Variants in RTTN observed in about 807,000 individuals in gnomAD.
RTTN encodes rotatin.
A neutral mutation model predicts 269.2 loss-of-function variants in RTTN; 182 were observed. The observed-to-expected ratio is 0.68, with a 90% confidence interval of 0.60 to 0.76. The LOEUF (loss-of-function observed/expected upper bound fraction) is 0.76. Among genes scored for constraint, RTTN ranks in the 30% least tolerant of loss-of-function variants. The pLI is 0.00. For missense variants in RTTN, 2,545 were observed against 2,608.6 expected (o/e 0.98, Z 0.53); for synonymous variants, 1,006 against 963.5 (o/e 1.04, Z -0.82).
rs929044986 is a variant in RTTN, at chr18:70,115,862, T to C, written c.3529-1263A>G. ...AGAAATGAAAATATGTAAAGAAACC[T>C]CTAAATTGCTTATAGTATATAGAGA... On this transcript the variant is annotated intron_variant, in intron 26 of 48. Transcript: ENST00000640769. Among the ~76,000 whole-genome samples, 3 of 151,926 alleles carry C rather than the reference T, an allele frequency of 2.0e-5. No homozygotes were observed. The South Asian group carries it at 6.2e-4, about 32-fold the overall frequency.
chr18:70,086,826 A>G (rs1216119318), intron 31 of RTTN, 142 bp from the exon 32 acceptor site: 5 of 746,532 alleles, frequency 6.7e-6, no homozygotes, highest in Non-Finnish European at 1.1e-5. Flanking sequence ...ACATGCTGAG[A>G]GGTCATTATG....
rs1161852788 is a variant in RTTN, at chr18:70,190,550, G to A, written c.1177C>T (p.Leu393Phe). The change falls in exon 9 of 49, where the codon CTC (leucine) becomes TTC (phenylalanine). Residue 393 changes from leucine (L) to phenylalanine (F), a missense_variant. Leu to Phe is a conservative substitution (Grantham distance 22). Transcript: ENST00000640769. The part of the protein sequence containing the change: ...CVSILESAVP[L>F]LRTGSRQVII... ...TAAAACAACTAACCTGTTCTTAAGA[G>A]AGGAACAGCTGATTCCAGAATGGAG... 2.5e-6 allele frequency: 4 copies of A among 1,610,720 alleles called. No homozygotes were observed. The highest frequency in any genetic ancestry group is 3.4e-6 in the Non-Finnish European group (4 of 1,177,228).
At chr18:70,193,154 G>T in intron 8 of RTTN, 134 bp downstream of exon 8, 1 of 794,970 alleles carries the variant, frequency 1.3e-6, no homozygotes. Flanking sequence ...TTAACACAAG[G>T]CCTATACCTG....
chr18:70,017,082 A>C (rs1204188662), intron 46 of RTTN, among the ~76,000 whole-genome samples: 1 of 152,052 alleles, frequency 6.6e-6, no homozygotes, highest in Non-Finnish European at 1.5e-5. Flanking sequence ...GAAGATGCAG[A>C]AGAGGGGAGC....
At chr18:70,013,414 T>C (rs186673447) in intron 46 of RTTN, among the ~76,000 whole-genome samples, 2,933 of 143,142 alleles carry the variant, frequency 0.02, 93 homozygotes, top group African/African-American at 0.071. Flanking sequence ...TGTGTGTGTC[T>C]GTGTGTGTGT....
intron 6 of RTTN, among the ~76,000 whole-genome samples, chr18:70,197,186 T>G (rs1304700167): frequency 1.3e-5 from 2 of 151,950 alleles, no homozygotes; most frequent in African/African-American, 4.8e-5. Context: ...CCTGGATCCC[T>G]CTCTCTCTAC....
intron 23 of RTTN, among the ~76,000 whole-genome samples, chr18:70,132,905 A>G (rs971805874): frequency 6.6e-6 from 1 of 152,112 alleles, no homozygotes; most frequent in African/African-American, 2.4e-5. Context: ...GACAAACATG[A>G]TATTGAGGTA....
intron 38 of RTTN, among the ~76,000 whole-genome samples, chr18:70,052,137 C>T (rs1251093593): frequency 6.6e-6 from 1 of 152,192 alleles, no homozygotes; most frequent in Non-Finnish European, 1.5e-5. Context: ...CTTCTCTCCA[C>T]TCAGGTAAAT....
At chr18:70,187,018 GTTT>G in intron 10 of RTTN, among the ~76,000 whole-genome samples, 1 of 152,210 alleles carries the variant, frequency 6.6e-6, no homozygotes, top group African/African-American at 2.4e-5. Flanking sequence ...CTAAATAAAA[GTTT>G]TTTAGAAAAA....
chr18:70,073,143 C>T (rs1291953895), intron 34 of RTTN, among the ~76,000 whole-genome samples: 2 of 152,038 alleles, frequency 1.3e-5, no homozygotes, highest in Non-Finnish European at 2.9e-5. Context: ...GTATAATACA[C>T]TAATTATTTC....
chr18:70,060,805 T>C (rs2057961062), intron 35 of RTTN, among the ~76,000 whole-genome samples: 2 of 152,248 alleles, frequency 1.3e-5, no homozygotes, highest in East Asian at 1.9e-4. Context: ...TCTATTTTCA[T>C]GAGTTCAACT....
rs575033442 is a variant in RTTN, at chr18:70,179,548, T to C, written c.1306-2703A>G. On this transcript the variant is annotated intron_variant, in intron 10 of 48. Coordinates refer to ENST00000640769, the MANE Select transcript of RTTN (RefSeq NM_173630.4). Reference sequence around the variant, plus strand: ...ATAGTAACTGGCCCACATTTTTTAATTCTTTGGGCTAAAGATGTTTAAGCA... The same window carrying C: ...ATAGTAACTGGCCCACATTTTTTAACTCTTTGGGCTAAAGATGTTTAAGCA... 1.6e-4 allele frequency among the ~76,000 whole-genome samples: 24 copies of C among 152,348 alleles called. No individual in the cohort carries two copies. In the South Asian group the frequency reaches 5.0e-3, roughly 32 times the overall value.
At chr18:70,161,478 T>C (rs967087028) in intron 14 of RTTN, among the ~76,000 whole-genome samples, 5 of 151,924 alleles carry the variant, frequency 3.3e-5, no homozygotes, top group Admixed American at 1.3e-4. Context: ...AAAACAGAAA[T>C]AGATAAGTGG....
intron 40 of RTTN, among the ~76,000 whole-genome samples, chr18:70,039,576 G>A (rs1328874682): frequency 6.6e-6 from 1 of 152,176 alleles, no homozygotes. Flanking sequence ...TCTTCAATCT[G>A]AAATAAAAGG....
chr18:70,176,586 AC>A, intron 11 of RTTN, 88 bp downstream of exon 11: 1 of 1,246,848 alleles, frequency 8.0e-7, no homozygotes, highest in Non-Finnish European at 1.1e-6. Flanking sequence ...CAATACCTTC[AC>A]ACCATGAAAA....
In RTTN at chr18:70,205,611, G is replaced by A. The variant is rs2062060545; in HGVS notation, c.31+17C>T. 5 of 1,614,042 alleles carry A rather than the reference G, an allele frequency of 3.1e-6. No homozygotes were observed. The highest frequency in any genetic ancestry group is 4.2e-6 in the Non-Finnish European group (5 of 1,179,948). On this transcript the variant is annotated intron_variant, in intron 1 of 48. Coordinates refer to ENST00000640769, the MANE Select transcript of RTTN (RefSeq NM_173630.4). Reference sequence around the variant, plus strand: ...AGCGCGGGGGGTGCCTTGGGCGAGGGGCAAGCTGACAGTTACCGAGTTTCC... The same window carrying A: ...AGCGCGGGGGGTGCCTTGGGCGAGGAGCAAGCTGACAGTTACCGAGTTTCC...
chr18:70,149,520 T>C (rs904860768), intron 16 of RTTN, among the ~76,000 whole-genome samples: 5 of 143,482 alleles, frequency 3.5e-5, no homozygotes, highest in African/African-American at 5.1e-5. Flanking sequence ...ACTCCTTTAA[T>C]GTCCAGAAGG....
intron 3 of RTTN, among the ~76,000 whole-genome samples, chr18:70,203,057 C>T (rs1243759172): frequency 2.0e-5 from 3 of 151,842 alleles, no homozygotes; most frequent in Admixed American, 6.6e-5. Context: ...ATTCCATGTG[C>T]AAGGCACTAT....
rs769415793 is a variant in RTTN, at chr18:70,024,732, A to C, written c.5940T>G (p.Asn1980Lys). 1 of 1,613,262 alleles carries C rather than the reference A, an allele frequency of 6.2e-7. No individual in the cohort carries two copies. Among genetic ancestry groups the C allele is most frequent in the Non-Finnish European group, 8.5e-7 (1 of 1,179,500 alleles). ...ATTGGATCCTATTACCATTTGGAAA[A>C]TTTGCAGTATAGACACAAAGGAGCT... Reference protein sequence around the residue: ...SLQLLCVYTANFPNGCSSLCW... With the variant: ...SLQLLCVYTAKFPNGCSSLCW... Residue 1980 changes from asparagine to lysine, a missense_variant, in exon 44 of 49, where the codon AAT (asparagine) becomes AAG (lysine). Transcript: ENST00000640769.
Sources: gnomAD v4.1 joint callset for allele counts (sites outside exome capture counted in the v4.1 genomes callset) on GRCh38, gnomAD v4.1.1 for gene constraint, MANE v1.5 for transcripts, NCBI Gene and HGNC (gene_info 2026-07-23, HGNC 2026-07-21) for gene names.